The following IL23R variants were observed in gnomAD, a reference collection of about 807,000 sequenced individuals.
IL23R encodes the protein interleukin-23 receptor.
Under a neutral mutation model 56.9 loss-of-function variants are expected in IL23R, and 34 were observed. The ratio of observed to expected loss-of-function variants is 0.60; its 90% CI spans 0.45 to 0.80. The LOEUF (loss-of-function observed/expected upper bound fraction) is 0.80, where lower values mean the gene tolerates loss of function less well. Among genes scored for constraint, IL23R ranks in the 30% least tolerant of loss-of-function variants. The pLI, the probability that IL23R is intolerant of heterozygous loss-of-function variation, is 0.00. For missense variants in IL23R, 635 were observed against 730.0 expected (o/e 0.87, Z 1.50); for synonymous variants, 230 against 249.2 (o/e 0.92, Z 0.73).
Position 67,219,760 on chromosome 1 carries a change from G to A in IL23R, c.955+30G>A, listed in dbSNP as rs7518660. ...GTGTACTTATATATTTTATTCTGTT[G>A]GGCTTTTCTTTATATATCTTTTCTG... is the stretch of plus-strand genomic sequence containing the variant. On this transcript the variant is annotated intron_variant, in intron 7 of 10. Coordinates refer to ENST00000347310, the MANE Select transcript of IL23R (RefSeq NM_144701.3). 714,381 of 1,594,142 alleles carry A rather than the reference G, an allele frequency of 0.45. 163,702 individuals carry two copies. Among genetic ancestry groups the A allele is most frequent in the Admixed American group, 0.56 (33,553 of 59,956 alleles).
downstream of IL23R, among the ~76,000 whole-genome samples, chr1:67,260,227 C>T (rs529428702): frequency 4.6e-5 from 7 of 151,998 alleles, no homozygotes; most frequent in African/African-American, 1.7e-4. Context: ...TGTGTGGAAT[C>T]ATGGGTTGCT....
At chr1:67,240,149 G>A (rs961060832) in intron 8 of IL23R, 30 bp from the exon 9 acceptor site, 37 of 1,422,976 alleles carry the variant, frequency 2.6e-5, no homozygotes, top group African/African-American at 1.4e-4. Context: ...CTAATGCTTG[G>A]TTAAAATTAT....
chr1:67,259,162 C>T lies in IL23R; in HGVS notation c.*34C>T, dbSNP rs535898796. On this transcript the variant is annotated 3_prime_UTR_variant, in exon 11 of 11. Coordinates refer to ENST00000347310, the MANE Select transcript of IL23R (RefSeq NM_144701.3). The stretch of plus-strand genomic sequence containing the variant: ...GGTCAAAATCAATATGAGAAAGCTG[C>T]CTTGCAATCTGAACTTGGGTTTTCC... 1.4e-5 allele frequency: 22 copies of T among 1,608,376 alleles called. No homozygotes were observed. In the South Asian group the frequency reaches 2.2e-4, roughly 16 times the overall value.
chr1:67,263,124 T>TC (rs1485540366), downstream of IL23R, among the ~76,000 whole-genome samples: 4 of 121,516 alleles, frequency 3.3e-5, no homozygotes, highest in Non-Finnish European at 5.4e-5. Context: ...TTTTTTTTTT[T>TC]TTTTTTTTAA....
At chr1:67,236,836 C>A in intron 8 of IL23R, 34 bp downstream of exon 8, 3 of 1,386,874 alleles carry the variant, frequency 2.2e-6, no homozygotes, top group Non-Finnish European at 3.1e-6. Flanking sequence ...TTTGAGTAGT[C>A]TTTTAGTAAT....
chr1:67,191,515 T>C (rs753471025), intron 4 of IL23R, among the ~76,000 whole-genome samples: 64 of 152,228 alleles, frequency 4.2e-4, no homozygotes, highest in Non-Finnish European at 9.0e-4. Context: ...ATCATTCCCA[T>C]TGGCTTTTAA....
Position 67,200,718 on chromosome 1 carries a change from CTTT to C in IL23R, c.492-11_492-9del. 1.3e-5 allele frequency: 18 copies of C among 1,341,438 alleles called. No homozygotes were observed. The highest frequency in any genetic ancestry group is 1.8e-5 in the Non-Finnish European group (18 of 973,624). 83.1% of individuals were successfully genotyped at this position (1,341,438 alleles called of 1,614,324 possible). ...CAAACTAAATACAATTTATGATCAT[CTTT>C]TTTTTTTGTTTTAAGTTTAGAGACA... is the stretch of plus-strand genomic sequence containing the variant. On this transcript the variant is annotated splice_polypyrimidine_tract_variant and intron_variant, in intron 4 of 10. Coordinates refer to ENST00000347310, the MANE Select transcript of IL23R (RefSeq NM_144701.3).
At chr1:67,201,551 C>CAAA (rs1231175917) in intron 5 of IL23R, among the ~76,000 whole-genome samples, 19 of 85,364 alleles carry the variant, frequency 2.2e-4, no homozygotes, top group African/African-American at 5.8e-4. Flanking sequence ...CTAGGGAAGG[C>CAAA]AAAAAAAAAA....
chr1:67,162,794 A>G (rs1404768517), upstream of IL23R, among the ~76,000 whole-genome samples: 1 of 152,150 alleles, frequency 6.6e-6, no homozygotes, highest in Non-Finnish European at 1.5e-5. Flanking sequence ...ACTACATGAG[A>G]TTTGAGATGG....
At chr1:67,200,667 G>A (rs1400527330) in intron 4 of IL23R, 70 bp from the exon 5 acceptor site, 8 of 1,509,564 alleles carry the variant, frequency 5.3e-6, no homozygotes, top group Admixed American at 3.5e-5. Context: ...TTACAGGTGT[G>A]AGCCACCATG....
At chr1:67,188,188 GCTCTTTTC>G (rs1558234940) in intron 4 of IL23R, among the ~76,000 whole-genome samples, 1 of 152,178 alleles carries the variant, frequency 6.6e-6, no homozygotes, top group African/African-American at 2.4e-5. Context: ...AGGGATCTAG[GCTCTTTTC>G]CTCTTTCTAC....
At chr1:67,222,548 A>G (rs1265197083) in intron 7 of IL23R, among the ~76,000 whole-genome samples, 3 of 152,082 alleles carry the variant, frequency 2.0e-5, no homozygotes, top group Non-Finnish European at 2.9e-5. Context: ...TTTAGTTGAT[A>G]ACCCTTTTTT....
intron 1 of IL23R, among the ~76,000 whole-genome samples, chr1:67,142,159 A>G (rs2064690): frequency 0.026 from 3,903 of 152,284 alleles, 163 homozygotes; most frequent in African/African-American, 0.089. Flanking sequence ...CTCAGGGGGA[A>G]TTGGTTTTTC....
At chr1:67,176,559 G>C (rs1026755211) in intron 3 of IL23R, among the ~76,000 whole-genome samples, 1 of 151,964 alleles carries the variant, frequency 6.6e-6, no homozygotes, top group Non-Finnish European at 1.5e-5. Context: ...ATCAGGTAAA[G>C]CTAATGATTA....
At chr1:67,193,250 A>G (rs972052031) in intron 4 of IL23R, among the ~76,000 whole-genome samples, 1 of 151,870 alleles carries the variant, frequency 6.6e-6, no homozygotes, top group Non-Finnish European at 1.5e-5. Flanking sequence ...ACCCACCCCT[A>G]CTCTCAGAAC....
downstream of IL23R, among the ~76,000 whole-genome samples, chr1:67,262,738 A>G (rs1382295329): frequency 6.6e-6 from 1 of 152,092 alleles, no homozygotes; most frequent in Non-Finnish European, 1.5e-5. Context: ...TCTGAGTCTC[A>G]CAATCTTTTA....
intron 6 of IL23R, among the ~76,000 whole-genome samples, chr1:67,218,813 G>A (rs1650043026): frequency 6.6e-6 from 1 of 151,930 alleles, no homozygotes; most frequent in African/African-American, 2.4e-5. Context: ...CAGCTACTTG[G>A]GAGGCTGAGG....
chr1:67,256,444 G>A (rs553246502), intron 10 of IL23R, among the ~76,000 whole-genome samples: 1 of 152,314 alleles, frequency 6.6e-6, no homozygotes, highest in African/African-American at 2.4e-5. Context: ...CTGGCAAAGA[G>A]AAGGCCACAC....
chr1:67,173,925 T>C (rs895958533), intron 3 of IL23R, among the ~76,000 whole-genome samples: 4 of 152,270 alleles, frequency 2.6e-5, no homozygotes, highest in Admixed American at 6.5e-5. Flanking sequence ...AACCTGCTTT[T>C]TTCACTTTGC....
Sources: allele counts gnomAD v4.1 joint callset (sites outside exome capture counted in the v4.1 genomes callset), GRCh38; gene constraint gnomAD v4.1.1; transcripts MANE v1.5; gene names NCBI Gene and HGNC (gene_info 2026-07-23, HGNC 2026-07-21).